BCAS3: variants seen among roughly 807,000 people sequenced by gnomAD.
BCAS3 encodes BCAS4/BCAS3 fusion.
In BCAS3, 53 loss-of-function variants were observed where a neutral mutation model predicts 116.1. That is an observed-to-expected ratio of 0.46 (90% CI 0.37 to 0.57). BCAS3 has a LOEUF of 0.57. BCAS3 is among the 20% of genes least tolerant of loss of function. The pLI is 0.00. For synonymous variants in BCAS3, 391 were observed against 408.2 expected, an observed-to-expected ratio of 0.96 and a Z score of 0.51; for missense variants, 917 against 1,165.4, an observed-to-expected ratio of 0.79 and a Z score of 3.10.
chr17:60,818,525 C>T (rs1443078403), intron 7 of BCAS3, among the ~76,000 whole-genome samples: 1 of 152,134 alleles, frequency 6.6e-6, no homozygotes, highest in Non-Finnish European at 1.5e-5. Flanking sequence ...AATCCCAGAG[C>T]CCTTATATAT....
In BCAS3 at chr17:61,220,818, C is replaced by T. The variant is rs114007236; in HGVS notation, c.2425+136254C>T. Among the ~76,000 whole-genome samples, 894 of 151,810 alleles carry T rather than the reference C, an allele frequency of 5.9e-3. 12 individuals are homozygous for T. The highest frequency in any genetic ancestry group is 0.02 in the African/African-American group (827 of 41,404). ...TGTGTTCCACCTAGAAAGTGTAGTT[C>T]GGCTGGGCGCGGTGGCTCACGCCTG... On this transcript the variant is annotated intron_variant, in intron 22 of 23. Coordinates refer to ENST00000407086, the MANE Select transcript of BCAS3 (RefSeq NM_017679.5). This position sits in a 1 kb window ranked among gnomAD's most constrained non-coding sequence, Gnocchi z 4.5.
rs1209694527 is a variant in BCAS3 at position 61,241,875 on chromosome 17, A to G, written c.2426-126452A>G. 6.6e-6 allele frequency among the ~76,000 whole-genome samples: 1 copy of G among 152,212 alleles called. No individual in the cohort carries two copies. Among genetic ancestry groups the G allele is most frequent in the East Asian group, 1.9e-4 (1 of 5,196 alleles). Reference sequence around the variant, plus strand: ...GAAATCTGAGAGCTTTCATAATAGTATAATATTCAGGTTTTTTCTTGTTTG... The same window carrying G: ...GAAATCTGAGAGCTTTCATAATAGTGTAATATTCAGGTTTTTTCTTGTTTG... On this transcript the variant is annotated intron_variant, in intron 22 of 23. Transcript: ENST00000407086. This position sits in a 1 kb window ranked among gnomAD's most constrained non-coding sequence, Gnocchi z 4.6.
chr17:61,128,718 A>G lies in BCAS3; in HGVS notation c.2425+44154A>G. 3 of 616,256 alleles carry G rather than the reference A, an allele frequency of 4.9e-6. No individual in the cohort carries two copies. The highest frequency in any genetic ancestry group is 6.1e-6 in the Non-Finnish European group (3 of 493,058). 38.2% of individuals were successfully genotyped at this position (616,256 alleles called of 1,614,324 possible). ...CCAGCATATTGGCAGTCGTCTCACA[A>G]CATGATTTTGCATTTACATCATCGT... On this transcript the variant is annotated intron_variant, in intron 22 of 23. Transcript: ENST00000407086. This position sits in a 1 kb window ranked among gnomAD's most constrained non-coding sequence, Gnocchi z 4.1.
intron 13 of BCAS3, among the ~76,000 whole-genome samples, chr17:60,928,107 C>A (rs993195172): frequency 2.0e-5 from 3 of 152,176 alleles, no homozygotes; most frequent in African/African-American, 7.2e-5. Flanking sequence ...CCTTGTCTGG[C>A]TAAGTCTTGT....
At chr17:61,022,306 G>C (rs1245136840) in intron 16 of BCAS3, among the ~76,000 whole-genome samples, 2 of 152,096 alleles carry the variant, frequency 1.3e-5, no homozygotes, top group Admixed American at 6.6e-5. Context: ...CTGGAGAGCA[G>C]TGGCGTGATC....
intron 7 of BCAS3, among the ~76,000 whole-genome samples, chr17:60,867,925 A>G (rs1040959686): frequency 4.0e-5 from 6 of 151,708 alleles, no homozygotes; most frequent in Admixed American, 3.3e-4. Context: ...GGTACCCTTT[A>G]TCGTATTAAG....
At chr17:61,117,602 A>T (rs2075550404) in intron 22 of BCAS3, among the ~76,000 whole-genome samples, 1 of 152,176 alleles carries the variant, frequency 6.6e-6, no homozygotes, top group Non-Finnish European at 1.5e-5. Flanking sequence ...CTCAAAAATG[A>T]ATAAGTAAAT....
At position 61,192,246 on chromosome 17, in the gene BCAS3, C is replaced by CAAA. The variant is rs60456812; in HGVS notation, c.2425+107696_2425+107698dup. 2.1e-4 allele frequency among the ~76,000 whole-genome samples: 15 copies of CAAA among 70,686 alleles called. 1 individual carries two copies. The highest frequency in any genetic ancestry group is 3.4e-4 in the Non-Finnish European group (12 of 35,810). 46.4% of individuals were successfully genotyped at this position (70,686 alleles called of 152,430 possible). A position where few individuals can be genotyped will look rare whatever the true frequency, so the allele number is the denominator to read the frequency against. On this transcript the variant is annotated intron_variant, in intron 22 of 23. Coordinates refer to ENST00000407086, the MANE Select transcript of BCAS3 (RefSeq NM_017679.5). ...GGGCGACAGAGCAAGGCTCTGTTAC[C>CAAA]AAAAAAAAAAAAAAAAGAAACATAG...
chr17:60,794,741 C>G (rs1382892208), intron 6 of BCAS3, among the ~76,000 whole-genome samples: 2 of 152,196 alleles, frequency 1.3e-5, no homozygotes, highest in African/African-American at 4.8e-5. Flanking sequence ...TCTGGGTTCT[C>G]TACTCTGTTC....
In BCAS3 at chr17:61,316,354, G is replaced by A. The variant is rs1304508093; in HGVS notation, c.2426-51973G>A. ...TATAGCAGGTACTTAGTAAATGTGTGCTGAATGTGGGAGACGTCTTTTTTA... is the reference window on the plus strand; with the variant it reads ...TATAGCAGGTACTTAGTAAATGTGTACTGAATGTGGGAGACGTCTTTTTTA... On this transcript the variant is annotated intron_variant, in intron 22 of 23. Coordinates refer to ENST00000407086, the MANE Select transcript of BCAS3 (RefSeq NM_017679.5). This position sits in a 1 kb window ranked among gnomAD's most constrained non-coding sequence, Gnocchi z 5.8. Among the ~76,000 whole-genome samples, 1 of 152,164 alleles carries A rather than the reference G, an allele frequency of 6.6e-6. No homozygotes were observed. Among genetic ancestry groups the A allele is most frequent in the African/African-American group, 2.4e-5 (1 of 41,430 alleles).
Position 61,248,783 on chromosome 17 carries a change from C to T in BCAS3, c.2426-119544C>T, listed in dbSNP as rs560420681. Among the ~76,000 whole-genome samples, 16 of 152,214 alleles carry T rather than the reference C, an allele frequency of 1.1e-4. No individual in the cohort carries two copies. Among genetic ancestry groups the T allele is most frequent in the Admixed American group, 5.9e-4 (9 of 15,284 alleles). On this transcript the variant is annotated intron_variant, in intron 22 of 23. Transcript: ENST00000407086. This position sits in a 1 kb window ranked among gnomAD's most constrained non-coding sequence, Gnocchi z 4.3. The stretch of plus-strand genomic sequence containing the variant: ...ACTAGGACACATAGGACAAGATGAG[C>T]GACTATTTTAGACCTGTAGGTCAAG...
rs1336693732 is a variant in BCAS3, at chr17:61,281,644, ACCCAT to A, written c.2426-86681_2426-86677del. Among the ~76,000 whole-genome samples the A allele has an allele frequency of 2.0e-5, 3 of 152,102 alleles. No individual in the cohort carries two copies. The East Asian group carries it at 5.8e-4, about 29-fold the overall frequency. The stretch of plus-strand genomic sequence containing the variant: ...AGTTCTTTCATTGTTCATGGTCTTT[ACCCAT>A]CTTTATACTGGGTTTTTTATCTTAT... On this transcript the variant is annotated intron_variant, in intron 22 of 23. Transcript: ENST00000407086. The surrounding 1 kb of genome is among the most constrained non-coding windows in gnomAD (Gnocchi z 4.2).
chr17:61,046,097 A>ATATATATATATT (rs2068314722), intron 19 of BCAS3, among the ~76,000 whole-genome samples: 1 of 53,520 alleles, frequency 1.9e-5, no homozygotes, highest in Non-Finnish European at 3.3e-5. Flanking sequence ...TATATATATA[A>ATATATATATATT]TATATATATA....
At chr17:61,230,964 T>C in intron 22 of BCAS3, among the ~76,000 whole-genome samples, 1 of 148,972 alleles carries the variant, frequency 6.7e-6, no homozygotes, top group Admixed American at 6.7e-5. Context: ...TTTGCCTTTT[T>C]TTTTTTTTTT....
At chr17:60,987,461 C>G (rs967823314) in intron 14 of BCAS3, among the ~76,000 whole-genome samples, 1 of 151,906 alleles carries the variant, frequency 6.6e-6, no homozygotes, top group Non-Finnish European at 1.5e-5. Flanking sequence ...ATTGATTCTA[C>G]CAATCCATAA....
intron 5 of BCAS3, among the ~76,000 whole-genome samples, chr17:60,717,808 A>G (rs1392506814): frequency 6.6e-6 from 1 of 152,198 alleles, no homozygotes; most frequent in Non-Finnish European, 1.5e-5. Context: ...ATTCAAGCAC[A>G]GTAAATTTAT....
intron 7 of BCAS3, among the ~76,000 whole-genome samples, chr17:60,854,205 A>G (rs990715057): frequency 3.9e-5 from 6 of 152,186 alleles, no homozygotes; most frequent in South Asian, 4.1e-4. Context: ...AGCTTCATCC[A>G]TGTCCCCACA....
intron 14 of BCAS3, among the ~76,000 whole-genome samples, chr17:60,975,272 A>T (rs2062258689): frequency 6.6e-6 from 1 of 152,094 alleles, no homozygotes; most frequent in Admixed American, 6.6e-5. Flanking sequence ...AAGTGCTGGG[A>T]TTACAGGCGT....
rs536725013 is a variant in BCAS3 at position 61,313,470 on chromosome 17, G to C, written c.2426-54857G>C. Among the ~76,000 whole-genome samples, 4 of 152,180 alleles carry C rather than the reference G, an allele frequency of 2.6e-5. No individual in the cohort carries two copies. The highest frequency in any genetic ancestry group is 5.9e-5 in the Non-Finnish European group (4 of 68,032). On this transcript the variant is annotated intron_variant, in intron 22 of 23. Coordinates refer to ENST00000407086, the MANE Select transcript of BCAS3 (RefSeq NM_017679.5). The surrounding 1 kb of genome is among the most constrained non-coding windows in gnomAD (Gnocchi z 4.3). ...CCCAGTTGGCTCCTCTCTGAGAGCG[G>C]GTAAGAGTAGAAAAGAATTGCTGAT...
Sources: gnomAD v4.1 joint callset for allele counts (sites outside exome capture counted in the v4.1 genomes callset) on GRCh38, gnomAD v4.1.1 for gene constraint, Gnocchi (gnomAD v3.1) non-coding constraint, MANE v1.5 for transcripts, NCBI Gene and HGNC (gene_info 2026-07-23, HGNC 2026-07-21) for gene names.